SERPINB3: variants seen among roughly 807,000 people sequenced by gnomAD.
SERPINB3 encodes serpin B3.
In SERPINB3, 33 loss-of-function variants were observed where a neutral mutation model predicts 33.0. The observed-to-expected ratio is 1.00, with a 90% CI of 0.76 to 1.34. The LOEUF (loss-of-function observed/expected upper bound fraction) is 1.34. Ranked by LOEUF, SERPINB3 falls within the 40% of genes most tolerant of loss-of-function variation. The pLI, the probability that SERPINB3 is intolerant of heterozygous loss-of-function variation, is 0.00. For missense variants in SERPINB3, 518 were observed against 461.5 expected (o/e 1.12, Z -1.12); for synonymous variants, 200 against 170.9 (o/e 1.17, Z -1.33).
rs1240583235 is a variant in SERPINB3 at position 63,661,848 on chromosome 18, G to C, written c.-29C>G. ...CTGGAGAGGCTTGAAGCTCTTACCTGTGTTCCTAGAGGAAGCAGAGGTGGG... is the reference window on the plus strand; with the variant it reads ...CTGGAGAGGCTTGAAGCTCTTACCTCTGTTCCTAGAGGAAGCAGAGGTGGG... On this transcript the variant is annotated splice_region_variant and 5_prime_UTR_variant, in exon 1 of 8. Coordinates refer to ENST00000283752, the MANE Select transcript of SERPINB3 (RefSeq NM_006919.3). 1 of 152,486 alleles carries C rather than the reference G, an allele frequency of 6.6e-6. No individual in the cohort carries two copies. The highest frequency in any genetic ancestry group is 1.5e-5 in the Non-Finnish European group (1 of 68,096). The allele number at this position is 152,486 out of a possible 1,614,324, so 9.4% of individuals were successfully genotyped here.
At chr18:63,658,701 A>C in intron 4 of SERPINB3, 71 bp from the exon 5 acceptor site, 1 of 1,199,858 alleles carries the variant, frequency 8.3e-7, no homozygotes, top group Admixed American at 1.9e-5. Flanking sequence ...AAATTTAGTT[A>C]TTTATAATTA....
At chr18:63,660,582 A>C (rs1913615068) in intron 3 of SERPINB3, among the ~76,000 whole-genome samples, 1 of 152,102 alleles carries the variant, frequency 6.6e-6, no homozygotes, top group Non-Finnish European at 1.5e-5. Context: ...CCTGATCCAG[A>C]CCTATGCTCT....
At chr18:63,660,316 C>A (rs1048821498) in intron 3 of SERPINB3, among the ~76,000 whole-genome samples, 4 of 152,010 alleles carry the variant, frequency 2.6e-5, no homozygotes, top group Non-Finnish European at 5.9e-5. Flanking sequence ...TCATTAATGA[C>A]TCAATGAAAA....
Position 63,655,988 on chromosome 18 carries a change from T to A in SERPINB3, c.842A>T (p.Asp281Val), listed in dbSNP as rs1287831133. 4 of 1,613,838 alleles carry A rather than the reference T, an allele frequency of 2.5e-6. No individual in the cohort carries two copies. In the Admixed American group the frequency reaches 6.7e-5, roughly 27 times the overall value. The stretch of plus-strand genomic sequence containing the variant: ...CACTTTGAACCGAGGTAAGTGTAAA[T>A]CGACACGTGTCTCTCTCATATTCTG... ...SLQNMRETRV[D>V]LHLPRFKVEE... is the part of the protein sequence containing the mutation. Residue 281 changes from aspartate to valine, a missense_variant, in exon 8 of 8, where the codon GAT becomes GTT. Asp to Val is a radical substitution (Grantham distance 152). Transcript: ENST00000283752.
At chr18:63,659,150 T>G (rs1368235664) in intron 4 of SERPINB3, among the ~76,000 whole-genome samples, 1 of 152,148 alleles carries the variant, frequency 6.6e-6, no homozygotes, top group African/African-American at 2.4e-5. Flanking sequence ...CTTATTACTC[T>G]TACTCACTCT....
At chr18:63,660,604 C>T in intron 3 of SERPINB3, 196 bp downstream of exon 3, 1 of 671,394 alleles carries the variant, frequency 1.5e-6, no homozygotes. Context: ...AGGTACAGTG[C>T]TGACTGTCTT....
Position 63,656,947 on chromosome 18 carries a change from A to T in SERPINB3, c.652T>A (p.Ser218Thr). The T allele has an allele frequency of 1.2e-6, 2 of 1,613,278 alleles. No individual in the cohort carries two copies. Among genetic ancestry groups the T allele is most frequent in the Non-Finnish European group, 1.7e-6 (2 of 1,179,492 alleles). Residue 218 changes from serine to threonine, a missense_variant, in exon 7 of 8, where the codon TCT (serine) becomes ACT (threonine). Physicochemically the swap from Ser to Thr is moderately conservative, Grantham distance 58. Coordinates refer to ENST00000283752, the MANE Select transcript of SERPINB3 (RefSeq NM_006919.3). ...KSIQMMRQYT[S>T]FHFASLEDVQ... ...TCCTCCAGCGAGGCAAAATGAAAAG[A>T]TGTGTATTGCCTCATCATCTGTATG... is the stretch of plus-strand genomic sequence containing the variant.
At position 63,655,927 on chromosome 18, in the gene SERPINB3, G is replaced by T. The variant is rs766656312; in HGVS notation, c.903C>A (p.Thr301=). The T allele has an allele frequency of 8.7e-6, 14 of 1,613,994 alleles. No individual in the cohort carries two copies. Among genetic ancestry groups the T allele is most frequent in the South Asian group, 7.7e-5 (7 of 91,076 alleles). The part of the protein sequence containing the change: ...ESYDLKDTLR[T]MGMVDIFNGD... ...CATTGAAGATATCCACCATTCCCATGGTTCTCAACGTGTCCTTGAGGTCAT... is the reference window on the plus strand; with the variant it reads ...CATTGAAGATATCCACCATTCCCATTGTTCTCAACGTGTCCTTGAGGTCAT... Residue 301 remains threonine, a synonymous_variant, in exon 8 of 8, where the codon ACC becomes ACA. Coordinates refer to ENST00000283752, the MANE Select transcript of SERPINB3 (RefSeq NM_006919.3).
At position 63,656,930 on chromosome 18, in the gene SERPINB3, C is replaced by T. The variant is rs554883652; in HGVS notation, c.669G>A (p.Ser223=). Residue 223 remains serine, a synonymous_variant, in exon 7 of 8, where the codon TCG becomes TCA. Coordinates refer to ENST00000283752, the MANE Select transcript of SERPINB3 (RefSeq NM_006919.3). The part of the protein sequence containing the change: ...MRQYTSFHFA[S]LEDVQAKVLE... Reference sequence around the variant, plus strand: ...GGACCTTGGCCTGTACATCCTCCAGCGAGGCAAAATGAAAAGATGTGTATT... The same window carrying T: ...GGACCTTGGCCTGTACATCCTCCAGTGAGGCAAAATGAAAAGATGTGTATT... 226 of 1,613,030 alleles carry T rather than the reference C, an allele frequency of 1.4e-4. 1 individual carries two copies. Among genetic ancestry groups the T allele is most frequent in the South Asian group, 1.0e-3 (95 of 90,940 alleles).
chr18:63,655,309 GC>G lies in SERPINB3; in HGVS notation c.*347del, dbSNP rs1189818796. The G allele has an allele frequency of 5.4e-6, 1 of 184,712 alleles. No individual in the cohort carries two copies. The highest frequency in any genetic ancestry group is 1.1e-5 in the Non-Finnish European group (1 of 88,828). The allele number at this position is 184,712 out of a possible 1,614,324, so 11.4% of individuals were successfully genotyped here. ...TCAAAGAAATGTGTGTTTCTAGGTT[GC>G]TAAATTCAAAGAAAAAGTATGATTT... On this transcript the variant is annotated 3_prime_UTR_variant, in exon 8 of 8. Transcript: ENST00000283752.
intron 3 of SERPINB3, 77 bp from the exon 4 acceptor site, chr18:63,659,604 C>T (rs1175591485): frequency 6.3e-7 from 1 of 1,595,586 alleles, no homozygotes. Flanking sequence ...TCTGTTAGAT[C>T]AGTCCCTAAT....
At chr18:63,660,415 G>A (rs1407426131) in intron 3 of SERPINB3, among the ~76,000 whole-genome samples, 3 of 151,996 alleles carry the variant, frequency 2.0e-5, no homozygotes, top group African/African-American at 4.8e-5. Flanking sequence ...TATGGGCAAG[G>A]CAATGTTGTA....
rs373495000 is a variant in SERPINB3 at position 63,655,608 on chromosome 18, A to G, written c.*49T>C. 16 of 1,537,900 alleles carry G rather than the reference A, an allele frequency of 1.0e-5. No individual in the cohort carries two copies. In the African/African-American group the frequency reaches 2.2e-4, roughly 21 times the overall value. On this transcript the variant is annotated 3_prime_UTR_variant, in exon 8 of 8. Transcript: ENST00000283752. Reference sequence around the variant, plus strand: ...TTGTTGCCAGCAATCAGTTTACCAGAACATCTGCAGGTGAACATTTTCCAA... The same window carrying G: ...TTGTTGCCAGCAATCAGTTTACCAGGACATCTGCAGGTGAACATTTTCCAA...
At chr18:63,661,266 C>T (rs1468856536) in intron 1 of SERPINB3, 24 bp from the exon 2 acceptor site, 2 of 1,578,644 alleles carry the variant, frequency 1.3e-6, no homozygotes, top group African/African-American at 1.4e-5. Context: ...AGATTCCTGT[C>T]AGAATGACTT....
rs1174256471 is a variant in SERPINB3, at chr18:63,660,795, C to T, written c.222+5G>A. ...AAAGCTGAACCATAGTGCTCTGTGA[C>T]TCACATGATATGTTGCAGCTTTTCC... is the stretch of plus-strand genomic sequence containing the variant. On this transcript the variant is annotated splice_donor_5th_base_variant and intron_variant, in intron 3 of 7. Coordinates refer to ENST00000283752, the MANE Select transcript of SERPINB3 (RefSeq NM_006919.3). 5 of 1,613,168 alleles carry T rather than the reference C, an allele frequency of 3.1e-6. No individual in the cohort carries two copies. The highest frequency in any genetic ancestry group is 2.7e-5 in the African/African-American group (2 of 74,838).
intron 7 of SERPINB3, 62 bp from the exon 8 acceptor site, chr18:63,656,123 A>C: frequency 1.3e-6 from 2 of 1,548,320 alleles, no homozygotes; most frequent in Non-Finnish European, 1.7e-6. Context: ...CACCTTAACA[A>C]TGAATTGACT....
At position 63,660,856 on chromosome 18, in the gene SERPINB3, C is replaced by T. The variant is rs773509000; in HGVS notation, c.166G>A (p.Val56Ile). Residue 56 changes from valine to isoleucine, a missense_variant and splice_region_variant, in exon 3 of 8, where the codon GTT becomes ATT. Val to Ile is a conservative substitution (Grantham distance 29). Transcript: ENST00000283752. ...KDNTAQQIKK[V>I]LHFDQVTENT... ...TCTGTGACTTGATCAAAGTGAAGAA[C>T]CTGGAAGAGACATGAAGCGGGACAA... 2 of 1,613,280 alleles carry T rather than the reference C, an allele frequency of 1.2e-6. No individual in the cohort carries two copies. Among genetic ancestry groups the T allele is most frequent in the Non-Finnish European group, 1.7e-6 (2 of 1,179,570 alleles).
chr18:63,660,074 C>T (rs1279592040), intron 3 of SERPINB3, among the ~76,000 whole-genome samples: 1 of 152,070 alleles, frequency 6.6e-6, no homozygotes, highest in Non-Finnish European at 1.5e-5. Flanking sequence ...ACATGGGTAA[C>T]TTTAAGTCTT....
intron 3 of SERPINB3, 120 bp from the exon 4 acceptor site, chr18:63,659,647 A>G: frequency 7.5e-7 from 1 of 1,327,550 alleles, no homozygotes; most frequent in Non-Finnish European, 1.0e-6. Flanking sequence ...CTTTGAGCTT[A>G]TTCCCTGATA....
Sources: allele counts gnomAD v4.1 joint callset (sites outside exome capture counted in the v4.1 genomes callset), GRCh38; gene constraint gnomAD v4.1.1; transcripts MANE v1.5; gene names NCBI Gene and HGNC (gene_info 2026-07-23, HGNC 2026-07-21).